The following SCAPER variants were observed in gnomAD, a reference collection of about 807,000 sequenced individuals.
SCAPER encodes the protein S phase cyclin A-associated protein in the endoplasmic reticulum.
A neutral mutation model predicts 182.2 loss-of-function variants in SCAPER; 98 were observed. The observed-to-expected ratio is 0.54, with a 90% CI of 0.46 to 0.64. The LOEUF is 0.64. Ranked by LOEUF, SCAPER falls within the 30% of genes least tolerant of loss-of-function variation. The pLI, the probability that SCAPER is intolerant of heterozygous loss-of-function variation, is 0.00. For synonymous variants in SCAPER, 605 were observed against 564.6 expected, an observed-to-expected ratio of 1.07 and a Z score of -1.01; for missense variants, 1,432 against 1,690.0, an observed-to-expected ratio of 0.85 and a Z score of 2.68.
At chr15:76,848,409 C>T (rs1236309054) in intron 4 of SCAPER, among the ~76,000 whole-genome samples, 1 of 150,004 alleles carries the variant, frequency 6.7e-6, no homozygotes, top group African/African-American at 2.5e-5. Context: ...GTTCGGTTCA[C>T]TGCAAGCTCT....
intron 4 of SCAPER, among the ~76,000 whole-genome samples, chr15:76,844,306 G>A (rs952708147): frequency 1.3e-5 from 2 of 148,542 alleles, no homozygotes; most frequent in Non-Finnish European, 3.0e-5. Flanking sequence ...CAGGGAAAGA[G>A]GGAGGAAGAA....
At chr15:76,674,034 A>G (rs2057213094) in intron 20 of SCAPER, among the ~76,000 whole-genome samples, 1 of 151,968 alleles carries the variant, frequency 6.6e-6, no homozygotes. Flanking sequence ...CCAGTTCATT[A>G]TCTTGAAAAC....
chr15:76,495,662 T>C (rs937420878), intron 24 of SCAPER, among the ~76,000 whole-genome samples: 6 of 151,598 alleles, frequency 4.0e-5, no homozygotes, highest in African/African-American at 1.2e-4. Context: ...TATGTCATTC[T>C]TTGGGGTTTG....
At chr15:76,812,304 A>G (rs1326257194) in intron 5 of SCAPER, among the ~76,000 whole-genome samples, 1 of 151,080 alleles carries the variant, frequency 6.6e-6, no homozygotes, top group Non-Finnish European at 1.5e-5. Flanking sequence ...ACAAAGCGAG[A>G]CTCCGTCTCA....
chr15:76,707,548 T>C (rs1259727303), intron 17 of SCAPER, among the ~76,000 whole-genome samples: 1 of 152,154 alleles, frequency 6.6e-6, no homozygotes, highest in East Asian at 1.9e-4. Flanking sequence ...AATGAATCAA[T>C]ACCTCAGTAA....
intron 1 of SCAPER, among the ~76,000 whole-genome samples, chr15:76,895,351 C>T (rs2074373694): frequency 6.6e-6 from 1 of 152,036 alleles, no homozygotes; most frequent in Non-Finnish European, 1.5e-5. Context: ...TAAAAACTTT[C>T]AACAAATTAG....
chr15:76,697,792 A>G (rs1184651686), intron 20 of SCAPER, among the ~76,000 whole-genome samples: 1 of 152,026 alleles, frequency 6.6e-6, no homozygotes, highest in East Asian at 1.9e-4. Context: ...GGCGCGCGTC[A>G]CCATGCCCAG....
chr15:76,636,913 G>GA (rs2053648033), intron 21 of SCAPER, among the ~76,000 whole-genome samples: 1 of 151,630 alleles, frequency 6.6e-6, no homozygotes. Flanking sequence ...TAGGATTTCT[G>GA]TTTTTTTCCA....
At chr15:76,868,531 T>C (rs146889141) in intron 2 of SCAPER, among the ~76,000 whole-genome samples, 33 of 151,842 alleles carry the variant, frequency 2.2e-4, no homozygotes, top group African/African-American at 7.2e-4. Context: ...AAGAAAGCAA[T>C]CCCATTTACG....
rs757280651 is a variant in SCAPER, at chr15:76,348,731, A to G, written c.4105T>C (p.Cys1369Arg). ...TCAAGATAGTCTTGGGAACCAAGGCATTTCCCTGAGAGGGGGATAAAAGAG... is the reference window on the plus strand; with the variant it reads ...TCAAGATAGTCTTGGGAACCAAGGCGTTTCCCTGAGAGGGGGATAAAAGAG... Reference protein sequence around the residue: ...ENQPYQPKGKCLGSQDYLELA... With the variant: ...ENQPYQPKGKRLGSQDYLELA... Residue 1369 changes from cysteine to arginine, a missense_variant, in exon 32 of 32, where the codon TGC becomes CGC. Coordinates refer to ENST00000563290, the MANE Select transcript of SCAPER (RefSeq NM_020843.4). 11 of 1,523,068 alleles carry G rather than the reference A, an allele frequency of 7.2e-6. 1 individual carries two copies. In the African/African-American group the frequency reaches 1.5e-4, roughly 21 times the overall value. The allele number at this position is 1,523,068 out of a possible 1,614,324, so 94.3% of individuals were successfully genotyped here.
chr15:76,724,383 T>C (rs2060461677), intron 17 of SCAPER, among the ~76,000 whole-genome samples: 1 of 152,216 alleles, frequency 6.6e-6, no homozygotes, highest in East Asian at 1.9e-4. Flanking sequence ...TCAACTTCGG[T>C]GAATCTGACA....
At chr15:76,460,624 C>T (rs189438846) in intron 25 of SCAPER, among the ~76,000 whole-genome samples, 1 of 152,254 alleles carries the variant, frequency 6.6e-6, no homozygotes, top group Non-Finnish European at 1.5e-5. Flanking sequence ...ATTCTCTCTT[C>T]TCCTTTTGGA....
In SCAPER at chr15:76,902,075, T is replaced by A. The variant is rs201096287; in HGVS notation, c.-60+3224A>T. 2.6e-5 allele frequency among the ~76,000 whole-genome samples: 4 copies of A among 152,186 alleles called. No individual in the cohort carries two copies. In the East Asian group the frequency reaches 7.7e-4, roughly 29 times the overall value. On this transcript the variant is annotated intron_variant, in intron 1 of 31. Coordinates refer to ENST00000563290, the MANE Select transcript of SCAPER (RefSeq NM_020843.4). The stretch of plus-strand genomic sequence containing the variant: ...GGACTCCAGATCTTTTCACTCTTTA[T>A]ATTTCACAAGACCCATAGCCAATCA...
At chr15:76,891,756 C>G (rs1215107441) in intron 1 of SCAPER, among the ~76,000 whole-genome samples, 1 of 152,112 alleles carries the variant, frequency 6.6e-6, no homozygotes, top group Non-Finnish European at 1.5e-5. Flanking sequence ...AATTTATAGA[C>G]TCAATGCCAT....
At chr15:76,624,528 C>T (rs559685505) in intron 21 of SCAPER, among the ~76,000 whole-genome samples, 1 of 152,198 alleles carries the variant, frequency 6.6e-6, no homozygotes, top group Non-Finnish European at 1.5e-5. Context: ...TTCATTTTTT[C>T]TTCACCTTCT....
At chr15:76,385,005 CTGAGA>C (rs1325216361) in intron 27 of SCAPER, among the ~76,000 whole-genome samples, 2 of 152,252 alleles carry the variant, frequency 1.3e-5, no homozygotes, top group East Asian at 3.9e-4. Context: ...ATAGTACATT[CTGAGA>C]TATTTGTAAT....
At chr15:76,579,598 T>C (rs77323202) in intron 22 of SCAPER, among the ~76,000 whole-genome samples, 181 of 148,712 alleles carry the variant, frequency 1.2e-3, no homozygotes, top group Non-Finnish European at 2.1e-3. Flanking sequence ...ACCTTCACTA[T>C]GAGAAAGAGA....
intron 2 of SCAPER, among the ~76,000 whole-genome samples, chr15:76,875,813 A>G (rs2073100625): frequency 6.6e-6 from 1 of 152,216 alleles, no homozygotes; most frequent in Admixed American, 6.5e-5. Context: ...CAGCTCATAA[A>G]GGCAGTGTGG....
intron 15 of SCAPER, among the ~76,000 whole-genome samples, chr15:76,733,931 G>C (rs2061078906): frequency 6.6e-6 from 1 of 152,028 alleles, no homozygotes. Flanking sequence ...TTAGAAAGAA[G>C]TGATTTAGAG....
Sources: gnomAD v4.1 joint callset for allele counts (sites outside exome capture counted in the v4.1 genomes callset) on GRCh38, gnomAD v4.1.1 for gene constraint, MANE v1.5 for transcripts, NCBI Gene and HGNC (gene_info 2026-07-23, HGNC 2026-07-21) for gene names.